AKAP6: variants seen among roughly 807,000 people sequenced by gnomAD.
The protein encoded by AKAP6 is A-kinase anchoring protein 6, also known as A-kinase anchor protein 6.
AKAP6 carries 58 observed loss-of-function variants against 188.5 expected under a neutral mutation model. The ratio of observed to expected loss-of-function variants is 0.31; its 90% CI spans 0.25 to 0.38. The LOEUF is 0.38. Among genes scored for constraint, AKAP6 ranks in the 10% least tolerant of loss-of-function variants. The pLI is 1.00. For synonymous variants in AKAP6, 989 were observed against 998.6 expected (o/e 0.99, Z 0.18); for missense variants, 2,710 against 2,740.0 (o/e 0.99, Z 0.24).
chr14:32,567,481 G>A (rs548356777), intron 4 of AKAP6, among the ~76,000 whole-genome samples: 62 of 152,194 alleles, frequency 4.1e-4, no homozygotes, highest in African/African-American at 8.9e-4. Flanking sequence ...AAAGTTGGCC[G>A]TAGCATTTTC....
intron 11 of AKAP6, among the ~76,000 whole-genome samples, chr14:32,760,551 C>T (rs2032501969): frequency 6.6e-6 from 1 of 152,166 alleles, no homozygotes; most frequent in South Asian, 2.1e-4. Context: ...TGATTAGTGA[C>T]TTGTGTTCTG....
chr14:32,456,507 T>G lies in AKAP6; in HGVS notation c.324+22690T>G, dbSNP rs144601799. 5.3e-5 allele frequency among the ~76,000 whole-genome samples: 8 copies of G among 152,370 alleles called. No individual in the cohort carries two copies. In the East Asian group the frequency reaches 1.5e-3, roughly 29 times the overall value. On this transcript the variant is annotated intron_variant, in intron 2 of 13. Coordinates refer to ENST00000280979, the MANE Select transcript of AKAP6 (RefSeq NM_004274.5). ...AGTAAACATGCAAAATTTTTTGTTT[T>G]ATTATCAAATAACAAAAATATTTAG...
At chr14:32,604,392 A>G (rs921040965) in intron 7 of AKAP6, among the ~76,000 whole-genome samples, 1 of 152,192 alleles carries the variant, frequency 6.6e-6, no homozygotes, top group Non-Finnish European at 1.5e-5. Context: ...TTTTCTCTGG[A>G]AAAATGAACT....
intron 2 of AKAP6, among the ~76,000 whole-genome samples, chr14:32,443,973 G>T (rs943955257): frequency 1.3e-5 from 2 of 152,058 alleles, no homozygotes; most frequent in African/African-American, 4.8e-5. Flanking sequence ...AGACAGAATG[G>T]TTCTTTTCTT....
intron 7 of AKAP6, among the ~76,000 whole-genome samples, chr14:32,631,539 T>G (rs1179793597): frequency 6.6e-6 from 1 of 151,968 alleles, no homozygotes; most frequent in Non-Finnish European, 1.5e-5. Context: ...AGAAATACAT[T>G]TATTGATCTC....
At chr14:32,593,341 G>T (rs2139326883) in intron 5 of AKAP6, among the ~76,000 whole-genome samples, 1 of 152,272 alleles carries the variant, frequency 6.6e-6, no homozygotes, top group South Asian at 2.1e-4. Flanking sequence ...TTCTCACAGT[G>T]CTTCTGATTT....
At chr14:32,747,330 C>G (rs1305623986) in intron 11 of AKAP6, among the ~76,000 whole-genome samples, 1 of 152,142 alleles carries the variant, frequency 6.6e-6, no homozygotes, top group Non-Finnish European at 1.5e-5. Context: ...AACTTGGAGC[C>G]ATTACAAACT....
Position 32,356,166 on chromosome 14 carries a change from A to G in AKAP6, c.-35+26758A>G, listed in dbSNP as rs181389126. Among the ~76,000 whole-genome samples, 8 of 152,328 alleles carry G rather than the reference A, an allele frequency of 5.3e-5. No individual in the cohort carries two copies. The East Asian group carries it at 1.2e-3, about 22-fold the overall frequency. On this transcript the variant is annotated intron_variant, in intron 1 of 13. Transcript: ENST00000280979. ...GAGAGAAATTTTAGTTCATGAAAAC[A>G]AGAACATATTTTTTTCCCCTTCACA...
intron 8 of AKAP6, among the ~76,000 whole-genome samples, chr14:32,679,799 A>G (rs561714046): frequency 6.5e-4 from 99 of 152,344 alleles, no homozygotes; most frequent in African/African-American, 2.2e-3. Flanking sequence ...GAGACATATT[A>G]TATATGTAGT....
At chr14:32,827,180 T>G (rs1251504299) in intron 13 of AKAP6, among the ~76,000 whole-genome samples, 1 of 152,216 alleles carries the variant, frequency 6.6e-6, no homozygotes, top group Non-Finnish European at 1.5e-5. Flanking sequence ...AAAAATTGTT[T>G]GATAAATATG....
At chr14:32,563,979 T>C (rs2139217052) in intron 4 of AKAP6, among the ~76,000 whole-genome samples, 1 of 152,300 alleles carries the variant, frequency 6.6e-6, no homozygotes, top group South Asian at 2.1e-4. Flanking sequence ...TCAGTATCCG[T>C]GGGGGATTCG....
Position 32,449,480 on chromosome 14 carries a change from C to T in AKAP6, c.324+15663C>T, listed in dbSNP as rs564804324. Among the ~76,000 whole-genome samples the T allele has an allele frequency of 1.1e-3, 155 of 146,632 alleles. 1 individual carries two copies. The highest frequency in any genetic ancestry group is 2.1e-3 in the Non-Finnish European group (139 of 67,422). On this transcript the variant is annotated intron_variant, in intron 2 of 13. Coordinates refer to ENST00000280979, the MANE Select transcript of AKAP6 (RefSeq NM_004274.5). ...GAGGTTGCAGTGAGCCAAGATAGTG[C>T]CACTGCACTCCAGCCTGGGCAATGG...
intron 1 of AKAP6, among the ~76,000 whole-genome samples, chr14:32,340,449 T>A (rs948910285): frequency 1.7e-4 from 26 of 152,330 alleles, no homozygotes; most frequent in African/African-American, 6.3e-4. Context: ...TCTTCCTGAA[T>A]CTTGGTTTCC....
intron 7 of AKAP6, among the ~76,000 whole-genome samples, chr14:32,630,252 C>T (rs1248175641): frequency 6.6e-6 from 1 of 152,054 alleles, no homozygotes; most frequent in Non-Finnish European, 1.5e-5. Flanking sequence ...TACTTCAAAC[C>T]ATCTTTAAAT....
At chr14:32,447,741 A>T (rs1890803030) in intron 2 of AKAP6, among the ~76,000 whole-genome samples, 1 of 152,246 alleles carries the variant, frequency 6.6e-6, no homozygotes, top group Non-Finnish European at 1.5e-5. Context: ...AAGTAGAATT[A>T]TGCATCTCCC....
At chr14:32,807,039 G>C (rs1037390476) in intron 12 of AKAP6, among the ~76,000 whole-genome samples, 3 of 149,828 alleles carry the variant, frequency 2.0e-5, no homozygotes, top group South Asian at 2.1e-4. Context: ...GGGTGACAGA[G>C]CGAGACTCCA....
At position 32,822,203 on chromosome 14, in the gene AKAP6, G is replaced by T; in HGVS notation, c.4390G>T (p.Val1464Leu). Residue 1464 changes from valine (V) to leucine (L), a missense_variant, in exon 13 of 14, where the codon GTG (valine) becomes TTG (leucine). By Grantham distance (32) the Val-to-Leu change is conservative (BLOSUM62 1). Around this residue, in one of 2 missense-constraint regions of AKAP6, gnomAD observed 2,473 missense variants for 2,426.1 expected, o/e 1.02. Coordinates refer to ENST00000280979, the MANE Select transcript of AKAP6 (RefSeq NM_004274.5). ...AGAAGAATTACAAGGAAAACATGAT[G>T]TGTTTACATTTTATGATTACTCATA... is the stretch of plus-strand genomic sequence containing the variant. ...LGEELQGKHD[V>L]FTFYDYSYLQ... is the part of the protein sequence containing the mutation. 1 of 1,613,770 alleles carries T rather than the reference G, an allele frequency of 6.2e-7. No individual in the cohort carries two copies. Among genetic ancestry groups the T allele is most frequent in the Non-Finnish European group, 8.5e-7 (1 of 1,179,838 alleles).
chr14:32,432,330 G>T (rs17409242), intron 1 of AKAP6, among the ~76,000 whole-genome samples: 5 of 152,018 alleles, frequency 3.3e-5, no homozygotes, highest in Admixed American at 1.3e-4. Flanking sequence ...TACTAGACTC[G>T]TTCCAGAAGA....
At chr14:32,690,391 G>A (rs1023724578) in intron 8 of AKAP6, among the ~76,000 whole-genome samples, 1 of 152,098 alleles carries the variant, frequency 6.6e-6, no homozygotes, top group African/African-American at 2.4e-5. Context: ...ATGCATTTAT[G>A]TATTCAAACA....
Sources: gnomAD v4.1 joint callset for allele counts (sites outside exome capture counted in the v4.1 genomes callset) on GRCh38, gnomAD v4.1.1 for gene constraint, gnomAD v4.1.1 regional missense constraint, MANE v1.5 for transcripts, NCBI Gene and HGNC (gene_info 2026-07-23, HGNC 2026-07-21) for gene names.